The following TRAF3IP2 variants were observed in gnomAD, a reference collection of about 807,000 sequenced individuals.
The protein encoded by TRAF3IP2 is E3 ubiquitin ligase TRAF3IP2.
In TRAF3IP2, 35 loss-of-function variants were observed where a neutral mutation model predicts 57.9. The ratio of observed to expected loss-of-function variants is 0.60; its 90% CI spans 0.46 to 0.80. The LOEUF (loss-of-function observed/expected upper bound fraction) is 0.80, where lower values mean the gene tolerates loss of function less well. Ranked by LOEUF, TRAF3IP2 falls within the 30% of genes least tolerant of loss-of-function variation. TRAF3IP2 has a pLI of 0.00. For missense variants in TRAF3IP2, 556 were observed against 706.4 expected (o/e 0.79, Z 2.41); for synonymous variants, 251 against 268.9 (o/e 0.93, Z 0.65).
intron 1 of TRAF3IP2, among the ~76,000 whole-genome samples, chr6:111,593,866 C>T (rs111801642): frequency 2.6e-5 from 4 of 152,194 alleles, no homozygotes; most frequent in African/African-American, 9.6e-5. Flanking sequence ...CGCAGTGGCT[C>T]GGGCCTGTAA....
chr6:111,576,169 T>C (rs969722158), intron 3 of TRAF3IP2, among the ~76,000 whole-genome samples: 6 of 152,220 alleles, frequency 3.9e-5, no homozygotes, highest in African/African-American at 1.4e-4. Flanking sequence ...GTTGATGTTA[T>C]AGGCATTCAG....
rs1795971583 is a variant in TRAF3IP2, at chr6:111,575,897, A to G, written c.1023-76T>C. ...CTTCAGGGACAGAAAGACTTTTAGA[A>G]CTATGGGAAGATCCCAGTGGGCTCT... On this transcript the variant is annotated intron_variant, in intron 3 of 8. Transcript: ENST00000368761. 6.4e-6 allele frequency: 9 copies of G among 1,411,104 alleles called. No homozygotes were observed. In the South Asian group the frequency reaches 1.1e-4, roughly 18 times the overall value. The allele number at this position is 1,411,104 out of a possible 1,614,324, so 87.4% of individuals were successfully genotyped here.
In TRAF3IP2 at chr6:111,572,916, C is replaced by T. The variant is rs1795874052; in HGVS notation, c.1269G>A (p.Leu423=). Reference sequence around the variant, plus strand: ...TTACTGCAGTTTGGAAGCCATTTACCAACAAAAAGTTCACGAATTTCACCA... The same window carrying T: ...TTACTGCAGTTTGGAAGCCATTTACTAACAAAAAGTTCACGAATTTCACCA... ...MEVVKFVNFL[L]VNGFQTAIDI... The change falls in exon 5 of 9, where the codon TTG becomes TTA. Residue 423 remains leucine, a synonymous_variant. Transcript: ENST00000368761. 1 of 1,613,832 alleles carries T rather than the reference C, an allele frequency of 6.2e-7. No individual in the cohort carries two copies. Among genetic ancestry groups the T allele is most frequent in the African/African-American group, 1.3e-5 (1 of 74,896 alleles).
intron 4 of TRAF3IP2, chr6:111,573,798 G>A (rs1055618275): frequency 2.0e-5 from 3 of 152,206 alleles, no homozygotes; most frequent in Non-Finnish European, 4.4e-5. Flanking sequence ...CTTTGTGTTG[G>A]CTTTTAGTCT....
chr6:111,563,802 C>T (rs980625847), intron 7 of TRAF3IP2, among the ~76,000 whole-genome samples: 2 of 152,272 alleles, frequency 1.3e-5, no homozygotes, highest in African/African-American at 4.8e-5. Flanking sequence ...ATGTCAATTG[C>T]GAAGAGCTCC....
At chr6:111,573,950 A>G (rs1259691495) in intron 4 of TRAF3IP2, 3 of 152,196 alleles carry the variant, frequency 2.0e-5, no homozygotes, top group Admixed American at 2.0e-4. Context: ...TAATGGTCAT[A>G]TTAACTCACT....
At chr6:111,563,242 T>C (rs1253144983) in intron 7 of TRAF3IP2, among the ~76,000 whole-genome samples, 1 of 152,188 alleles carries the variant, frequency 6.6e-6, no homozygotes, top group Non-Finnish European at 1.5e-5. Context: ...AGAAGTCACA[T>C]TCTATGTCAG....
chr6:111,580,176 G>T (rs1318243503), intron 3 of TRAF3IP2, 21 bp downstream of exon 3: 2 of 1,611,248 alleles, frequency 1.2e-6, no homozygotes, highest in African/African-American at 2.7e-5. Context: ...AATGCCTGAA[G>T]GTTGGGCCTG....
intron 5 of TRAF3IP2, among the ~76,000 whole-genome samples, chr6:111,570,424 A>G (rs931529037): frequency 1.3e-5 from 2 of 152,184 alleles, no homozygotes; most frequent in African/African-American, 4.8e-5. Context: ...TGGACTCTCT[A>G]AAACCTACCC....
intron 7 of TRAF3IP2, 32 bp downstream of exon 7, chr6:111,566,412 C>G: frequency 6.6e-7 from 1 of 1,514,984 alleles, no homozygotes; most frequent in Non-Finnish European, 9.2e-7. Context: ...CCCCAGGGGA[C>G]AGTGAGGTGT....
rs1795356211 is a variant in TRAF3IP2 at position 111,559,497 on chromosome 6, T to A, written c.1606A>T (p.Lys536Ter). Residue 536 changes from lysine (K) to a stop codon, truncating the protein, a stop_gained, in exon 9 of 9, where the codon AAA becomes TAA. Transcript: ENST00000368761. LOFTEE classifies it high-confidence loss of function. ...NTHVYSWPKN[K>*]KNILLRLLRE... is the part of the protein sequence containing the mutation. Reference sequence around the variant, plus strand: ...AGCAGCCGCAGCAGGATGTTTTTTTTATTCTTGGGCCAGCTGTAGACATGA... The same window carrying A: ...AGCAGCCGCAGCAGGATGTTTTTTTAATTCTTGGGCCAGCTGTAGACATGA... 1.2e-6 allele frequency: 2 copies of A among 1,614,050 alleles called. No homozygotes were observed. Among genetic ancestry groups the A allele is most frequent in the Admixed American group, 1.7e-5 (1 of 60,012 alleles).
At chr6:111,595,596 A>G (rs554658790) in intron 1 of TRAF3IP2, among the ~76,000 whole-genome samples, 43 of 152,276 alleles carry the variant, frequency 2.8e-4, no homozygotes, top group African/African-American at 8.4e-4. Flanking sequence ...TTGGGAGGCC[A>G]AGGCGGGCAG....
chr6:111,564,952 G>A (rs957894926), intron 7 of TRAF3IP2, among the ~76,000 whole-genome samples: 1 of 152,140 alleles, frequency 6.6e-6, no homozygotes, highest in African/African-American at 2.4e-5. Flanking sequence ...GACAACCAAG[G>A]GCCGGCAGCA....
chr6:111,603,549 G>A (rs952475828), intron 1 of TRAF3IP2, among the ~76,000 whole-genome samples: 1 of 152,206 alleles, frequency 6.6e-6, no homozygotes, highest in South Asian at 2.1e-4. Flanking sequence ...GGATATTCCT[G>A]AGATTTCCAT....
chr6:111,567,253 T>TAGGAAACCTCTTCAGCCC, intron 6 of TRAF3IP2: 2 of 1,021,854 alleles, frequency 2.0e-6, no homozygotes, highest in Non-Finnish European at 2.3e-6. Context: ...CGAGGCTGCC[T>TAGGAAACCTCTTCAGCCC]AGGAAACCTC....
intron 7 of TRAF3IP2, among the ~76,000 whole-genome samples, chr6:111,564,739 G>A (rs1334896514): frequency 6.6e-6 from 1 of 152,166 alleles, no homozygotes; most frequent in Non-Finnish European, 1.5e-5. Context: ...GGTTCCAGTT[G>A]GTACAGTCAG....
intron 3 of TRAF3IP2, 35 bp from the exon 4 acceptor site, chr6:111,575,856 C>A: frequency 6.3e-7 from 1 of 1,594,522 alleles, no homozygotes; most frequent in Non-Finnish European, 8.5e-7. Flanking sequence ...AATTTTCATT[C>A]TTTACAAAGG....
intron 1 of TRAF3IP2, chr6:111,601,078 C>T (rs544214025): frequency 1.8e-5 from 11 of 596,854 alleles, no homozygotes; most frequent in East Asian, 1.6e-4. Flanking sequence ...TGCACTTAAC[C>T]GCTTGCATCT....
At position 111,576,519 on chromosome 6, in the gene TRAF3IP2, G is replaced by A. The variant is rs527339532; in HGVS notation, c.1023-698C>T. On this transcript the variant is annotated intron_variant, in intron 3 of 8. Coordinates refer to ENST00000368761, the MANE Select transcript of TRAF3IP2 (RefSeq NM_147686.4). ...AGTTTTCCCCAGAAGGCCTCCCAGT[G>A]TCCTATTACCAGCTTCACAAGCGTC... is the stretch of plus-strand genomic sequence containing the variant. 3 of 152,420 alleles carry A rather than the reference G, an allele frequency of 2.0e-5. 1 individual carries two copies. Among genetic ancestry groups the A allele is most frequent in the African/African-American group, 7.2e-5 (3 of 41,538 alleles). The allele number at this position is 152,420 out of a possible 1,614,324, so 9.4% of individuals were successfully genotyped here.
Sources: gnomAD v4.1 joint callset for allele counts (sites outside exome capture counted in the v4.1 genomes callset) on GRCh38, gnomAD v4.1.1 for gene constraint, MANE v1.5 for transcripts, NCBI Gene and HGNC (gene_info 2026-07-23, HGNC 2026-07-21) for gene names.